ZZEF1: variants seen among roughly 807,000 people sequenced by gnomAD.
The protein encoded by ZZEF1 is zinc finger ZZ-type and EF-hand domain containing 1, also known as zinc finger ZZ-type and EF-hand domain-containing protein 1.
A neutral mutation model predicts 342.8 loss-of-function variants in ZZEF1; 157 were observed. The ratio of observed to expected loss-of-function variants is 0.46; its 90% CI spans 0.40 to 0.52. The LOEUF (loss-of-function observed/expected upper bound fraction) is 0.52, where lower values mean the gene tolerates loss of function less well. Among genes scored for constraint, ZZEF1 ranks in the 20% least tolerant of loss-of-function variants. The pLI is 0.00. For missense variants in ZZEF1, 3,480 were observed against 3,725.6 expected (o/e 0.93, Z 1.72); for synonymous variants, 1,505 against 1,429.1 (o/e 1.05, Z -1.20).
At position 4,110,352 on chromosome 17, in the gene ZZEF1, C is replaced by G. The variant is rs138833556; in HGVS notation, c.1067-489G>C. Among the ~76,000 whole-genome samples the G allele has an allele frequency of 2.6e-5, 4 of 152,238 alleles. No homozygotes were observed. The East Asian group carries it at 5.8e-4, about 22-fold the overall frequency. On this transcript the variant is annotated intron_variant, in intron 5 of 54. Coordinates refer to ENST00000381638, the MANE Select transcript of ZZEF1 (RefSeq NM_015113.4). ...AGATGTCACAATTTCTTATTTGGGT[C>G]AGAGGAGAGAAGGTAAGAATTTAAA...
Position 4,109,763 on chromosome 17 carries a change from G to C in ZZEF1, c.1167C>G (p.Val389=), listed in dbSNP as rs142853783. 13 of 1,614,052 alleles carry C rather than the reference G, an allele frequency of 8.1e-6. No individual in the cohort carries two copies. In the African/African-American group the frequency reaches 1.1e-4, roughly 13 times the overall value. Reference sequence around the variant, plus strand: ...ATATTGCAGAAGCATCTGAGACTGAGACCCCAGACTTCTTAACTCTCTGAA... The same window carrying C: ...ATATTGCAGAAGCATCTGAGACTGACACCCCAGACTTCTTAACTCTCTGAA... ...VGFQRVKKSG[V]SVSDASAIWY... is the part of the protein sequence containing the mutation. The change falls in exon 6 of 55, where the codon GTC becomes GTG. Residue 389 remains valine, a synonymous_variant. Coordinates refer to ENST00000381638, the MANE Select transcript of ZZEF1 (RefSeq NM_015113.4).
intron 19 of ZZEF1, among the ~76,000 whole-genome samples, chr17:4,077,500 T>C (rs931796882): frequency 2.0e-5 from 3 of 152,240 alleles, no homozygotes; most frequent in Admixed American, 6.5e-5. Context: ...TAATCAGCAA[T>C]GGTCACAATG....
chr17:4,043,541 C>G (rs11871538), intron 38 of ZZEF1, among the ~76,000 whole-genome samples: 5 of 152,116 alleles, frequency 3.3e-5, no homozygotes, highest in Non-Finnish European at 7.4e-5. Context: ...CCTCCAGTCT[C>G]CTGAGCCCAC....
At chr17:4,093,079 G>A (rs577705632) in intron 11 of ZZEF1, among the ~76,000 whole-genome samples, 1 of 152,172 alleles carries the variant, frequency 6.6e-6, no homozygotes, top group East Asian at 1.9e-4. Context: ...ATTCAGGCTG[G>A]AATCAGGAGC....
chr17:4,071,988 G>C (rs1384889805), intron 25 of ZZEF1, among the ~76,000 whole-genome samples: 2 of 152,128 alleles, frequency 1.3e-5, no homozygotes, highest in Non-Finnish European at 2.9e-5. Flanking sequence ...AAGGAGGCAA[G>C]TGGGCAGTCA....
rs1373225115 is a variant in ZZEF1 at position 4,064,559 on chromosome 17, T to G, written c.4520A>C (p.Asp1507Ala). ...CTCTTCAGCTGTGGCAGGGGACACG[T>G]CTGCAGCAGGAAGGCCACTGCTGGA... ...LPSSSGLPAA[D>A]VSPATAEEPL... Residue 1507 changes from aspartate to alanine, a missense_variant, in exon 29 of 55, where the codon GAC (aspartate) becomes GCC (alanine). Coordinates refer to ENST00000381638, the MANE Select transcript of ZZEF1 (RefSeq NM_015113.4). The G allele has an allele frequency of 6.2e-7, 1 of 1,614,144 alleles. No homozygotes were observed. The highest frequency in any genetic ancestry group is 1.7e-5 in the Admixed American group (1 of 60,028).
rs2058896319 is a variant in ZZEF1 at position 4,143,001 on chromosome 17, G to A, written c.-106C>T. On this transcript the variant is annotated 5_prime_UTR_variant, in exon 1 of 55. Transcript: ENST00000381638. Reference sequence around the variant, plus strand: ...TGGCGGGCGGGGACGCGGAGGAGACGACGGCGGCCCCTGCGGCTTCCGGCT... The same window carrying A: ...TGGCGGGCGGGGACGCGGAGGAGACAACGGCGGCCCCTGCGGCTTCCGGCT... 2.4e-6 allele frequency: 3 copies of A among 1,269,798 alleles called. No individual in the cohort carries two copies. Among genetic ancestry groups the A allele is most frequent in the South Asian group, 3.1e-5 (1 of 32,288 alleles). The allele number at this position is 1,269,798 out of a possible 1,614,324, so 78.7% of individuals were successfully genotyped here.
chr17:4,109,775 C>A lies in ZZEF1; in HGVS notation c.1155G>T (p.Lys385Asn). Residue 385 changes from lysine (K) to asparagine (N), a missense_variant, in exon 6 of 55, where the codon AAG becomes AAT. Lys to Asn is a moderately conservative substitution (Grantham distance 94, BLOSUM62 0). Coordinates refer to ENST00000381638, the MANE Select transcript of ZZEF1 (RefSeq NM_015113.4). ...GLRAVGFQRV[K>N]KSGVSVSDAS... ...CATCTGAGACTGAGACCCCAGACTT[C>A]TTAACTCTCTGAAAGCCAACAGCCC... 1 of 1,614,160 alleles carries A rather than the reference C, an allele frequency of 6.2e-7. No homozygotes were observed. The highest frequency in any genetic ancestry group is 8.5e-7 in the Non-Finnish European group (1 of 1,180,032).
intron 52 of ZZEF1, among the ~76,000 whole-genome samples, chr17:4,011,365 C>T (rs555384785): frequency 6.6e-6 from 1 of 151,956 alleles, no homozygotes; most frequent in Non-Finnish European, 1.5e-5. Context: ...GATGGTGCCA[C>T]TGCACTCCAG....
In ZZEF1 at chr17:4,006,965, C is replaced by T. The variant is rs894545866; in HGVS notation, c.8811G>A (p.Leu2937=). 1 of 1,582,974 alleles carries T rather than the reference C, an allele frequency of 6.3e-7. No individual in the cohort carries two copies. Among genetic ancestry groups the T allele is most frequent in the African/African-American group, 1.3e-5 (1 of 74,604 alleles). Reference sequence around the variant, plus strand: ...CCAGGCTGATGGCAGCAATGTTCTGCAGAGCCTGTAGAGGGAAAAAGAGTT... The same window carrying T: ...CCAGGCTGATGGCAGCAATGTTCTGTAGAGCCTGTAGAGGGAAAAAGAGTT... ...DHLLRCAAQA[L]QNIAAISLAI... The change falls in exon 55 of 55, where the codon CTG becomes CTA. Residue 2937 remains leucine, a synonymous_variant. Coordinates refer to ENST00000381638, the MANE Select transcript of ZZEF1 (RefSeq NM_015113.4).
intron 8 of ZZEF1, 126 bp downstream of exon 8, chr17:4,104,507 G>A (rs2058177826): frequency 4.0e-6 from 4 of 993,690 alleles, no homozygotes; most frequent in African/African-American, 1.6e-5. Context: ...GTTCATCCAG[G>A]AATCATGGTG....
chr17:4,047,940 C>CA (rs1035606213), intron 37 of ZZEF1, among the ~76,000 whole-genome samples: 29 of 149,180 alleles, frequency 1.9e-4, no homozygotes, highest in Non-Finnish European at 3.9e-4. Flanking sequence ...GACCCTGTCT[C>CA]AAAAAAAATA....
intron 1 of ZZEF1, among the ~76,000 whole-genome samples, chr17:4,131,899 A>C (rs1016302424): frequency 6.6e-6 from 1 of 152,198 alleles, no homozygotes; most frequent in Non-Finnish European, 1.5e-5. Flanking sequence ...TTGTAGCGGG[A>C]GGACAGGGGA....
chr17:4,098,812 C>T (rs868439415), intron 9 of ZZEF1, among the ~76,000 whole-genome samples: 1 of 152,192 alleles, frequency 6.6e-6, no homozygotes, highest in Non-Finnish European at 1.5e-5. Context: ...CACACAGACG[C>T]TCTATGATCT....
At chr17:4,021,817 G>A (rs2056277844) in intron 44 of ZZEF1, among the ~76,000 whole-genome samples, 1 of 152,120 alleles carries the variant, frequency 6.6e-6, no homozygotes, top group South Asian at 2.1e-4. Context: ...TGAATACGAT[G>A]CTCATGATGC....
intron 18 of ZZEF1, among the ~76,000 whole-genome samples, chr17:4,079,166 A>G (rs939348221): frequency 6.6e-6 from 1 of 152,226 alleles, no homozygotes; most frequent in East Asian, 1.9e-4. Context: ...TAGCAGAAAG[A>G]GGACAAGGCT....
At chr17:4,070,186 G>T (rs2057481167) in intron 26 of ZZEF1, among the ~76,000 whole-genome samples, 1 of 152,218 alleles carries the variant, frequency 6.6e-6, no homozygotes, top group Admixed American at 6.5e-5. Flanking sequence ...CTAGCTAAAG[G>T]TAATAGTTAA....
At chr17:4,105,380 G>A (rs553618609) in intron 7 of ZZEF1, among the ~76,000 whole-genome samples, 3 of 152,136 alleles carry the variant, frequency 2.0e-5, no homozygotes, top group Non-Finnish European at 4.4e-5. Flanking sequence ...GCATGTGAAG[G>A]TCAGCAGGTT....
At chr17:4,096,581 T>C (rs2058037477) in intron 10 of ZZEF1, 28 bp downstream of exon 10, 7 of 1,596,960 alleles carry the variant, frequency 4.4e-6, no homozygotes, top group African/African-American at 1.3e-5. Context: ...GTAGTAACAT[T>C]GCTTAAAGAA....
Sources: gnomAD v4.1 joint callset for allele counts (sites outside exome capture counted in the v4.1 genomes callset) on GRCh38, gnomAD v4.1.1 for gene constraint, MANE v1.5 for transcripts, NCBI Gene and HGNC (gene_info 2026-07-23, HGNC 2026-07-21) for gene names.